Variants in CSMD1 observed in about 807,000 individuals in gnomAD.
CSMD1 encodes CUB and Sushi multiple domains 1, also known as CUB and sushi domain-containing protein 1.
A neutral mutation model predicts 417.5 loss-of-function variants in CSMD1; 213 were observed. The observed-to-expected ratio is 0.51, with a 90% CI of 0.46 to 0.57. CSMD1 has a LOEUF of 0.57. CSMD1 is among the 20% of genes least tolerant of loss of function. CSMD1 has a pLI of 0.00. For synonymous variants in CSMD1, 2,862 were observed against 1,736.8 expected (o/e 1.65, Z -16.11); for missense variants, 6,923 against 4,529.7 (o/e 1.53, Z -15.17).
chr8:4,176,545 CT>C (rs1798051909), intron 3 of CSMD1, among the ~76,000 whole-genome samples: 1 of 151,950 alleles, frequency 6.6e-6, no homozygotes, highest in Non-Finnish European at 1.5e-5. Flanking sequence ...CTGATCCCTA[CT>C]AATATACCCC....
At chr8:3,820,104 A>G (rs1245793156) in intron 5 of CSMD1, among the ~76,000 whole-genome samples, 2 of 152,198 alleles carry the variant, frequency 1.3e-5, no homozygotes, top group Non-Finnish European at 2.9e-5. Flanking sequence ...TCAGGGACAG[A>G]TGCACTGCTT....
At chr8:3,280,639 T>C (rs576332590) in intron 26 of CSMD1, among the ~76,000 whole-genome samples, 2 of 152,306 alleles carry the variant, frequency 1.3e-5, no homozygotes, top group South Asian at 2.1e-4. Flanking sequence ...CCATGTGAAA[T>C]TGTCAACATT....
At chr8:4,528,018 T>C (rs1266670770) in intron 2 of CSMD1, among the ~76,000 whole-genome samples, 1 of 152,190 alleles carries the variant, frequency 6.6e-6, no homozygotes, top group African/African-American at 2.4e-5. Flanking sequence ...TGTGGGATCA[T>C]GTCAGTGCTT....
intron 1 of CSMD1, among the ~76,000 whole-genome samples, chr8:4,821,206 T>C (rs1236748290): frequency 6.6e-6 from 1 of 152,160 alleles, no homozygotes; most frequent in African/African-American, 2.4e-5. Flanking sequence ...GGTCACGTCA[T>C]GGAAGGAAAA....
At chr8:3,283,369 T>C (rs552536632) in intron 26 of CSMD1, among the ~76,000 whole-genome samples, 1 of 152,114 alleles carries the variant, frequency 6.6e-6, no homozygotes, top group Non-Finnish European at 1.5e-5. Context: ...TACATTTATG[T>C]AGAGACCCAC....
At chr8:4,606,617 C>G (rs1040840727) in intron 2 of CSMD1, among the ~76,000 whole-genome samples, 2 of 152,166 alleles carry the variant, frequency 1.3e-5, no homozygotes, top group African/African-American at 4.8e-5. Flanking sequence ...ATTAGCAAAA[C>G]GGAGACAAAT....
intron 12 of CSMD1, among the ~76,000 whole-genome samples, chr8:3,451,022 T>C (rs1034353665): frequency 5.3e-5 from 8 of 152,208 alleles, no homozygotes; most frequent in Non-Finnish European, 8.8e-5. Flanking sequence ...TGGTGTGAGA[T>C]GGTGTCTCAT....
At chr8:4,648,766 A>T (rs1803696584) in intron 1 of CSMD1, among the ~76,000 whole-genome samples, 2 of 152,142 alleles carry the variant, frequency 1.3e-5, no homozygotes, top group Non-Finnish European at 2.9e-5. Context: ...CTACTCCATT[A>T]TGTTGGAGTT....
intron 26 of CSMD1, among the ~76,000 whole-genome samples, chr8:3,257,485 A>G (rs1320175074): frequency 1.3e-5 from 2 of 152,178 alleles, no homozygotes; most frequent in African/African-American, 4.8e-5. Flanking sequence ...AATATTATGG[A>G]TATGGACAGT....
intron 11 of CSMD1, among the ~76,000 whole-genome samples, chr8:3,477,678 T>A (rs1379690779): frequency 6.6e-6 from 1 of 152,174 alleles, no homozygotes; most frequent in Non-Finnish European, 1.5e-5. Flanking sequence ...ACTCAGTTAT[T>A]TGATAAGCCA....
Position 3,367,387 on chromosome 8 carries a change from A to G in CSMD1, c.2900-140T>C, listed in dbSNP as rs556063223. 123 of 626,696 alleles carry G rather than the reference A, an allele frequency of 2.0e-4. No homozygotes were observed. The African/African-American group carries it at 2.1e-3, about 11-fold the overall frequency. 38.8% of individuals were successfully genotyped at this position (626,696 alleles called of 1,614,324 possible). On this transcript the variant is annotated intron_variant, in intron 19 of 69. Transcript: ENST00000635120. Reference sequence around the variant, plus strand: ...GAGGAAGAGAAAATAAGAGGGGAAGACAGATTGCAGAGAGTAATAGCCACA... The same window carrying G: ...GAGGAAGAGAAAATAAGAGGGGAAGGCAGATTGCAGAGAGTAATAGCCACA...
At chr8:3,518,465 T>C (rs1055897874) in intron 10 of CSMD1, among the ~76,000 whole-genome samples, 2 of 152,168 alleles carry the variant, frequency 1.3e-5, no homozygotes, top group Non-Finnish European at 2.9e-5. Context: ...AGAAACAATA[T>C]TGCTTTTGTA....
Position 3,485,538 on chromosome 8 carries a change from C to CACACACACAGAGAGAGAGAG in CSMD1, c.1448+8084_1448+8085insCTCTCTCTCTCTGTGTGTGT, listed in dbSNP as rs376214281. Among the ~76,000 whole-genome samples, 44 of 135,026 alleles carry CACACACACAGAGAGAGAGAG rather than the reference C, an allele frequency of 3.3e-4. 1 individual carries two copies. The highest frequency in any genetic ancestry group is 1.2e-3 in the African/African-American group (40 of 34,016). 88.6% of individuals were successfully genotyped at this position (135,026 alleles called of 152,430 possible). A position where few individuals can be genotyped will look rare whatever the true frequency, so the allele number is the denominator to read the frequency against. On this transcript the variant is annotated intron_variant, in intron 11 of 69. Transcript: ENST00000635120. ...AACTTCATAACAATACACACACACA[C>CACACACACAGAGAGAGAGAG]AGAGAGAGAGAGAGAGAGAGAGAGA...
intron 5 of CSMD1, among the ~76,000 whole-genome samples, chr8:3,796,752 T>C (rs1388537356): frequency 6.6e-6 from 1 of 151,156 alleles, no homozygotes; most frequent in Non-Finnish European, 1.5e-5. Context: ...GTGGTTGCAA[T>C]TATACAAAAT....
chr8:3,586,203 T>A lies in CSMD1; in HGVS notation c.1155A>T (p.Lys385Asn), dbSNP rs1222552939. The change falls in exon 9 of 70, where the codon AAA becomes AAT. Residue 385 changes from lysine to asparagine, a missense_variant. By Grantham distance (94) the Lys-to-Asn change is moderately conservative. Transcript: ENST00000635120. ...CTGTAACTCTCTGACAGGTGATGCT[T>A]TTAGATCCCTGGAGCACGTAATTGT... is the stretch of plus-strand genomic sequence containing the variant. ...CEDNYVLQGS[K>N]SITCQRVTET... The A allele has an allele frequency of 6.2e-7, 1 of 1,612,890 alleles. No individual in the cohort carries two copies. The highest frequency in any genetic ancestry group is 2.2e-5 in the East Asian group (1 of 44,832).
chr8:4,114,052 T>C (rs1802002790), intron 3 of CSMD1, among the ~76,000 whole-genome samples: 1 of 152,168 alleles, frequency 6.6e-6, no homozygotes, highest in Non-Finnish European at 1.5e-5. Flanking sequence ...ACGGCTACAA[T>C]AAACAACAGA....
chr8:4,487,841 C>A (rs1176197481), intron 2 of CSMD1, among the ~76,000 whole-genome samples: 1 of 152,116 alleles, frequency 6.6e-6, no homozygotes, highest in South Asian at 2.1e-4. Context: ...CTAAACATGT[C>A]TTTATTTCCA....
intron 5 of CSMD1, among the ~76,000 whole-genome samples, chr8:3,824,947 T>A (rs562708404): frequency 6.6e-6 from 1 of 151,254 alleles, no homozygotes; most frequent in Non-Finnish European, 1.5e-5. Context: ...CAATGATTAA[T>A]CTGATTTTTT....
At chr8:4,912,733 A>G (rs1461283566) in intron 1 of CSMD1, among the ~76,000 whole-genome samples, 2 of 152,130 alleles carry the variant, frequency 1.3e-5, no homozygotes, top group Non-Finnish European at 2.9e-5. Context: ...GTGACTTTCT[A>G]TTAGTTTGAA....
Sources: gnomAD v4.1 joint callset for allele counts (sites outside exome capture counted in the v4.1 genomes callset) on GRCh38, gnomAD v4.1.1 for gene constraint, MANE v1.5 for transcripts, NCBI Gene and HGNC (gene_info 2026-07-23, HGNC 2026-07-21) for gene names.